Variants in CA8 observed in about 807,000 individuals in gnomAD.
CA8 encodes carbonic anhydrase 8 (inactive), also known as carbonic anhydrase-related protein.
Under a neutral mutation model 41.4 loss-of-function variants are expected in CA8, and 22 were observed. The observed-to-expected ratio is 0.53, with a 90% CI of 0.38 to 0.76. CA8 has a LOEUF of 0.76. Among genes scored for constraint, CA8 ranks in the 30% least tolerant of loss-of-function variants. The pLI is 0.00. For synonymous variants in CA8, 121 were observed against 130.6 expected (o/e 0.93, Z 0.50); for missense variants, 270 against 352.8 (o/e 0.77, Z 1.88).
intron 3 of CA8, among the ~76,000 whole-genome samples, chr8:60,256,196 C>T (rs887454133): frequency 2.6e-5 from 4 of 152,148 alleles, no homozygotes; most frequent in African/African-American, 7.2e-5. Flanking sequence ...AGGCATGAGC[C>T]GCCACACTCG....
intron 8 of CA8, among the ~76,000 whole-genome samples, chr8:60,201,012 G>T (rs993696531): frequency 2.6e-5 from 4 of 152,162 alleles, no homozygotes; most frequent in Non-Finnish European, 5.9e-5. Flanking sequence ...TATGGGTTGT[G>T]ATGACAAAGA....
At chr8:60,201,011 T>G (rs1477814295) in intron 8 of CA8, among the ~76,000 whole-genome samples, 1 of 152,110 alleles carries the variant, frequency 6.6e-6, no homozygotes, top group Non-Finnish European at 1.5e-5. Flanking sequence ...TTATGGGTTG[T>G]GATGACAAAG....
chr8:60,268,493 T>A (rs137948303), intron 2 of CA8, among the ~76,000 whole-genome samples: 92 of 152,336 alleles, frequency 6.0e-4, no homozygotes, highest in Admixed American at 1.6e-3. Flanking sequence ...ACTCCCCGCA[T>A]GACCAATGCT....
intron 8 of CA8, among the ~76,000 whole-genome samples, chr8:60,207,918 G>A (rs1298165813): frequency 2.0e-5 from 3 of 152,150 alleles, no homozygotes; most frequent in Non-Finnish European, 4.4e-5. Flanking sequence ...ACCACACCCA[G>A]CTAATTTTTA....
At chr8:60,268,618 A>C (rs760576344) in intron 2 of CA8, among the ~76,000 whole-genome samples, 1 of 152,186 alleles carries the variant, frequency 6.6e-6, no homozygotes, top group Non-Finnish European at 1.5e-5. Flanking sequence ...GAACTTCAAA[A>C]TCCAGGGAAG....
intron 8 of CA8, chr8:60,208,462 C>T (rs1806717613): frequency 2.6e-6 from 1 of 385,074 alleles, no homozygotes; most frequent in Non-Finnish European, 4.9e-6. Context: ...GCATGCATGT[C>T]ACTTTTTCTG....
chr8:60,259,014 C>T (rs915245572), intron 3 of CA8, among the ~76,000 whole-genome samples: 2 of 152,148 alleles, frequency 1.3e-5, no homozygotes, highest in Non-Finnish European at 2.9e-5. Flanking sequence ...TTCGAACTCC[C>T]CCACTGCATG....
chr8:60,246,474 A>C (rs1416457400), intron 3 of CA8, among the ~76,000 whole-genome samples: 1 of 149,282 alleles, frequency 6.7e-6, no homozygotes, highest in Admixed American at 6.7e-5. Context: ...TTTTTTTTGT[A>C]CTTTTAGTGA....
Position 60,281,320 on chromosome 8 carries a change from G to A in CA8, c.-173C>T, listed in dbSNP as rs918466758. 4 of 610,774 alleles carry A rather than the reference G, an allele frequency of 6.5e-6. No homozygotes were observed. The highest frequency in any genetic ancestry group is 5.7e-5 in the African/African-American group (3 of 52,620). The allele number at this position is 610,774 out of a possible 1,614,324, so 37.8% of individuals were successfully genotyped here. ...CCGCAGTGTGAGTGCAAGCAGGCGTGCGTTCGGACCGAGTGTTCCAGAGAC... is the reference window on the plus strand; with the variant it reads ...CCGCAGTGTGAGTGCAAGCAGGCGTACGTTCGGACCGAGTGTTCCAGAGAC... On this transcript the variant is annotated 5_prime_UTR_variant, in exon 1 of 9. Coordinates refer to ENST00000317995, the MANE Select transcript of CA8 (RefSeq NM_004056.6).
chr8:60,259,898 A>G (rs947986723), intron 3 of CA8, among the ~76,000 whole-genome samples: 5 of 151,414 alleles, frequency 3.3e-5, no homozygotes, highest in African/African-American at 1.2e-4. Flanking sequence ...CATCATCATA[A>G]TAATTATTAC....
rs1377957061 is a variant in CA8 at position 60,230,747 on chromosome 8, T to C, written c.513+1537A>G. The stretch of plus-strand genomic sequence containing the variant: ...GTGTGCTTGCTCTCCAGGCTTTCCC[T>C]TCCCTGCAATAATGCAGCTTGTTCT... On this transcript the variant is annotated intron_variant, in intron 4 of 8. Transcript: ENST00000317995. 2.0e-5 allele frequency among the ~76,000 whole-genome samples: 3 copies of C among 152,342 alleles called. No homozygotes were observed. In the East Asian group the frequency reaches 5.8e-4, roughly 29 times the overall value.
At chr8:60,271,503 G>A (rs977803770) in intron 2 of CA8, among the ~76,000 whole-genome samples, 1 of 152,142 alleles carries the variant, frequency 6.6e-6, no homozygotes, top group Admixed American at 6.5e-5. Flanking sequence ...AAGAAACACT[G>A]TTAAAAAGTT....
chr8:60,200,064 G>A (rs1029929780), intron 8 of CA8, among the ~76,000 whole-genome samples: 2 of 152,192 alleles, frequency 1.3e-5, no homozygotes, highest in Non-Finnish European at 2.9e-5. Context: ...TATTGATCAT[G>A]TGGGCAGAGG....
intron 7 of CA8, among the ~76,000 whole-genome samples, chr8:60,221,241 T>C (rs1326309256): frequency 6.6e-6 from 1 of 152,226 alleles, no homozygotes; most frequent in Non-Finnish European, 1.5e-5. Flanking sequence ...CCTCTTGGAC[T>C]GGGTTGGGTT....
chr8:60,253,972 T>C (rs1290281010), intron 3 of CA8, among the ~76,000 whole-genome samples: 2 of 152,188 alleles, frequency 1.3e-5, no homozygotes, highest in Non-Finnish European at 2.9e-5. Context: ...ATGTGAACTG[T>C]GGCCTAGATT....
chr8:60,246,977 A>G (rs913325570), intron 3 of CA8, among the ~76,000 whole-genome samples: 17 of 134,158 alleles, frequency 1.3e-4, no homozygotes, highest in Middle Eastern at 5.0e-3. Context: ...TCCACCTCCC[A>G]GGTTCACGCC....
intron 3 of CA8, among the ~76,000 whole-genome samples, chr8:60,249,367 C>G (rs991887672): frequency 2.6e-5 from 4 of 152,182 alleles, no homozygotes; most frequent in Non-Finnish European, 4.4e-5. Flanking sequence ...ATATTTCCTA[C>G]TATTTCTTAG....
chr8:60,232,231 G>T lies in CA8; in HGVS notation c.513+53C>A, dbSNP rs73683396. 379,414 of 1,366,382 alleles carry T rather than the reference G, an allele frequency of 0.28. 54,548 individuals carry two copies. Among genetic ancestry groups the T allele is most frequent in the African/African-American group, 0.37 (25,747 of 70,106 alleles). The allele number at this position is 1,366,382 out of a possible 1,614,324, so 84.6% of individuals were successfully genotyped here. On this transcript the variant is annotated intron_variant, in intron 4 of 8. Coordinates refer to ENST00000317995, the MANE Select transcript of CA8 (RefSeq NM_004056.6). Reference sequence around the variant, plus strand: ...TGAGAATAAAAAAATTTTACAAAATGATTTAGAAATTAGCATCTCTAAACA... The same window carrying T: ...TGAGAATAAAAAAATTTTACAAAATTATTTAGAAATTAGCATCTCTAAACA...
intron 5 of CA8, among the ~76,000 whole-genome samples, chr8:60,226,448 G>A (rs1807442463): frequency 6.6e-6 from 1 of 152,194 alleles, no homozygotes; most frequent in Non-Finnish European, 1.5e-5. Context: ...ATGGCGAAGA[G>A]GGCAGGGAGA....
Sources: gnomAD v4.1 joint callset for allele counts (sites outside exome capture counted in the v4.1 genomes callset) on GRCh38, gnomAD v4.1.1 for gene constraint, MANE v1.5 for transcripts, NCBI Gene and HGNC (gene_info 2026-07-23, HGNC 2026-07-21) for gene names.